The following MCTP1 variants were observed in gnomAD, a reference collection of about 807,000 sequenced individuals.
MCTP1 encodes multiple C2 and transmembrane domain-containing protein 1.
In MCTP1, 69 loss-of-function variants were observed where a neutral mutation model predicts 120.6. The ratio of observed to expected loss-of-function variants is 0.57; its 90% confidence interval spans 0.47 to 0.70. MCTP1 has a LOEUF of 0.70. MCTP1 is among the 30% of genes least tolerant of loss of function. MCTP1 has a pLI of 0.00. For synonymous variants in MCTP1, 529 were observed against 493.1 expected, an observed-to-expected ratio of 1.07 and a Z score of -0.96; for missense variants, 1,203 against 1,248.8, an observed-to-expected ratio of 0.96 and a Z score of 0.55.
At chr5:94,716,662 C>T (rs1759471937) in intron 19 of MCTP1, among the ~76,000 whole-genome samples, 1 of 151,990 alleles carries the variant, frequency 6.6e-6, no homozygotes, top group Non-Finnish European at 1.5e-5. Context: ...TGTCTTTCAG[C>T]TCAAAATTAT....
intron 2 of MCTP1, among the ~76,000 whole-genome samples, chr5:95,010,970 T>C (rs553867264): frequency 6.6e-6 from 1 of 152,260 alleles, no homozygotes; most frequent in Non-Finnish European, 1.5e-5. Flanking sequence ...CATGATTACA[T>C]TGAGGCTTTG....
At chr5:94,897,059 A>T (rs1217484017) in intron 10 of MCTP1, among the ~76,000 whole-genome samples, 5 of 151,840 alleles carry the variant, frequency 3.3e-5, no homozygotes, top group Admixed American at 6.6e-5. Context: ...ACTTTTTTTT[A>T]AATTTTAATT....
intron 19 of MCTP1, among the ~76,000 whole-genome samples, chr5:94,734,071 G>A (rs897619850): frequency 2.0e-5 from 3 of 152,084 alleles, no homozygotes; most frequent in African/African-American, 7.2e-5. Flanking sequence ...CAAACGTGTA[G>A]AGTGATATTG....
intron 10 of MCTP1, among the ~76,000 whole-genome samples, chr5:94,908,426 G>T (rs914057705): frequency 6.6e-6 from 1 of 151,864 alleles, no homozygotes; most frequent in African/African-American, 2.4e-5. Context: ...TACTTTTCTG[G>T]AGTATAATTT....
chr5:95,063,599 A>T (rs764445036), intron 1 of MCTP1, among the ~76,000 whole-genome samples: 6 of 152,158 alleles, frequency 3.9e-5, no homozygotes, highest in Non-Finnish European at 5.9e-5. Context: ...TGTTCACTAC[A>T]GCACACTCTT....
intron 17 of MCTP1, among the ~76,000 whole-genome samples, chr5:94,844,164 G>T (rs1243114897): frequency 6.6e-6 from 1 of 151,926 alleles, no homozygotes; most frequent in African/African-American, 2.4e-5. Flanking sequence ...TTAGCAGGGT[G>T]TAGTGGCGGA....
intron 17 of MCTP1, among the ~76,000 whole-genome samples, chr5:94,855,563 A>G (rs1794575924): frequency 6.6e-6 from 1 of 151,850 alleles, no homozygotes; most frequent in African/African-American, 2.4e-5. Flanking sequence ...TGAATTACCG[A>G]GGTAGGCTCA....
At chr5:94,860,084 A>C (rs1795466867) in intron 17 of MCTP1, among the ~76,000 whole-genome samples, 1 of 151,448 alleles carries the variant, frequency 6.6e-6, no homozygotes, top group Non-Finnish European at 1.5e-5. Flanking sequence ...CAATAGTAAA[A>C]TTTTTTTTGA....
At chr5:95,176,244 G>T (rs1747959456) in intron 1 of MCTP1, among the ~76,000 whole-genome samples, 1 of 152,140 alleles carries the variant, frequency 6.6e-6, no homozygotes, top group Non-Finnish European at 1.5e-5. Context: ...GCAGTAGTAG[G>T]CCATGCGTGG....
intron 1 of MCTP1, among the ~76,000 whole-genome samples, chr5:95,067,392 A>G (rs1293258213): frequency 6.6e-6 from 1 of 152,218 alleles, no homozygotes; most frequent in Admixed American, 6.5e-5. Flanking sequence ...CTCACATTCT[A>G]TCACGTAAAT....
At position 95,091,564 on chromosome 5, in the gene MCTP1, C is replaced by A. The variant is rs535830863; in HGVS notation, c.721-74080G>T. Among the ~76,000 whole-genome samples the A allele has an allele frequency of 7.9e-5, 12 of 152,254 alleles. No individual in the cohort carries two copies. In the East Asian group the frequency reaches 2.3e-3, roughly 29 times the overall value. ...GTCTCTCTTAAAGCCTTTAGATGCC[C>A]TGACTGCCTGGGGGCTGCCTTGCTG... On this transcript the variant is annotated intron_variant, in intron 1 of 22. Transcript: ENST00000515393.
At chr5:94,716,078 GAT>G (rs1367706929) in intron 19 of MCTP1, among the ~76,000 whole-genome samples, 1 of 152,240 alleles carries the variant, frequency 6.6e-6, no homozygotes, top group African/African-American at 2.4e-5. Context: ...GTGAATGACA[GAT>G]GTGTGTGCCT....
At chr5:94,866,466 T>G (rs1215685974) in intron 17 of MCTP1, among the ~76,000 whole-genome samples, 1 of 151,814 alleles carries the variant, frequency 6.6e-6, no homozygotes, top group African/African-American at 2.4e-5. Context: ...TTACTCTGTT[T>G]TCACATTGTA....
intron 3 of MCTP1, among the ~76,000 whole-genome samples, chr5:94,947,611 GAGAGAGAGAGAA>G (rs1394615063): frequency 1.5e-4 from 18 of 118,790 alleles, no homozygotes; most frequent in African/African-American, 3.4e-4. Flanking sequence ...GAGAGAGAGA[GAGAGAGAGAGAA>G]AGAGAGACAG....
chr5:94,969,977 G>A (rs1241251797), intron 2 of MCTP1, among the ~76,000 whole-genome samples: 3 of 151,842 alleles, frequency 2.0e-5, no homozygotes, highest in African/African-American at 7.2e-5. Context: ...AATGCAAGAG[G>A]TTTATAATCA....
chr5:95,234,716 T>G (rs960756675), intron 1 of MCTP1, among the ~76,000 whole-genome samples: 9 of 152,192 alleles, frequency 5.9e-5, no homozygotes, highest in Non-Finnish European at 1.2e-4. Context: ...AATGACATTC[T>G]CAATCAAAAT....
intron 1 of MCTP1, among the ~76,000 whole-genome samples, chr5:95,080,557 T>C (rs1160013060): frequency 1.3e-5 from 2 of 152,232 alleles, no homozygotes; most frequent in African/African-American, 2.4e-5. Flanking sequence ...GAAATCAAAT[T>C]AACCTTTTCT....
rs1293454755 is a variant in MCTP1 at position 94,953,078 on chromosome 5, A to G, written c.981+141T>C. 1.8e-5 allele frequency: 12 copies of G among 685,102 alleles called. 1 individual carries two copies. Among genetic ancestry groups the G allele is most frequent in the South Asian group, 5.2e-5 (2 of 38,414 alleles). The allele number at this position is 685,102 out of a possible 1,614,324, so 42.4% of individuals were successfully genotyped here. A position where few individuals can be genotyped will look rare whatever the true frequency, so the allele number is the denominator to read the frequency against. ...TCCTTCCCTCTATCTCACTTCTATC[A>G]TATTATCCATAGATTAGAGTGGCGA... On this transcript the variant is annotated intron_variant, in intron 3 of 22. Transcript: ENST00000515393.
chr5:95,018,558 T>A (rs1837580241), intron 1 of MCTP1, among the ~76,000 whole-genome samples: 1 of 151,866 alleles, frequency 6.6e-6, no homozygotes, highest in South Asian at 2.1e-4. Context: ...GTTGGAGCAA[T>A]TATTAGTTAA....
Sources: allele counts gnomAD v4.1 joint callset (sites outside exome capture counted in the v4.1 genomes callset), GRCh38; gene constraint gnomAD v4.1.1; transcripts MANE v1.5; gene names NCBI Gene and HGNC (gene_info 2026-07-23, HGNC 2026-07-21).